Variants in CHKB observed in about 807,000 individuals in gnomAD.
CHKB encodes choline/ethanolamine kinase.
In CHKB, 45 loss-of-function variants were observed where a neutral mutation model predicts 57.3. The ratio of observed to expected loss-of-function variants is 0.79; its 90% CI spans 0.62 to 1.01. The LOEUF is 1.01. Among genes scored for constraint, CHKB ranks in the 50% least tolerant of loss-of-function variants. The probability of loss-of-function intolerance (pLI) is 0.00; values close to 1 mark genes in which losing one functional copy is unlikely to be tolerated. For missense variants in CHKB, 517 were observed against 502.8 expected (o/e 1.03, Z -0.27); for synonymous variants, 224 against 201.8 (o/e 1.11, Z -0.93).
chr22:50,581,887 G>C (rs753147853), intron 2 of CHKB, 25 bp from the exon 3 acceptor site: 5 of 1,605,786 alleles, frequency 3.1e-6, no homozygotes, highest in Non-Finnish European at 4.3e-6. Context: ...ACAGCAAAGG[G>C]GCCAAGGCAA....
In CHKB at chr22:50,581,428, G is replaced by T. The variant is rs201476966; in HGVS notation, c.573C>A (p.Thr191=). ...GGAGGCTCCTGACTCACCGCTCCAT[G>T]GTCCCAAACAGCCAGTGGGGCTCCT... is the stretch of plus-strand genomic sequence containing the variant. The part of the protein sequence containing the change: ...FTKEPHWLFG[T]MERYLKQIQD... The change falls in exon 4 of 11, where the codon ACC becomes ACA. Residue 191 remains threonine, a synonymous_variant. Transcript: ENST00000406938. 6.2e-7 allele frequency: 1 copy of T among 1,613,422 alleles called. No individual in the cohort carries two copies. Among genetic ancestry groups the T allele is most frequent in the African/African-American group, 1.3e-5 (1 of 75,050 alleles).
At position 50,582,653 on chromosome 22, in the gene CHKB, A is replaced by T; in HGVS notation, c.129T>A (p.Arg43=). Residue 43 remains arginine, a synonymous_variant, in exon 1 of 11, where the codon CGT becomes CGA. Coordinates refer to ENST00000406938, the MANE Select transcript of CHKB (RefSeq NM_005198.5). ...PKRRRASSLS[R]DAERRAYQWC... is the part of the protein sequence containing the mutation. ...ATTGGTAGGCTCGGCGCTCGGCGTCACGCGACAGCGACGAGGCGCGCCGCC... is the reference window on the plus strand; with the variant it reads ...ATTGGTAGGCTCGGCGCTCGGCGTCTCGCGACAGCGACGAGGCGCGCCGCC... 6.2e-7 allele frequency: 1 copy of T among 1,609,366 alleles called. No individual in the cohort carries two copies. Among genetic ancestry groups the T allele is most frequent in the Non-Finnish European group, 8.5e-7 (1 of 1,178,954 alleles).
intron 2 of CHKB, 168 bp downstream of exon 2, chr22:50,582,081 C>T (rs577405497): frequency 2.5e-6 from 2 of 793,912 alleles, no homozygotes; most frequent in African/African-American, 3.4e-5. Context: ...CCTCTCGCCT[C>T]AGCCTCCCAA....
Position 50,580,636 on chromosome 22 carries a change from C to T in CHKB, c.606G>A (p.Leu202=), listed in dbSNP as rs751522981. ...MERYLKQIQD[L]PPTGLPEMNL... ...TCATCTCAGGGAGGCCAGTTGGGGG[C>T]AGGTCCTGGATCTGTTTTAGGTACC... is the stretch of plus-strand genomic sequence containing the variant. The change falls in exon 5 of 11, where the codon CTG becomes CTA. Residue 202 remains leucine (L), a synonymous_variant. Coordinates refer to ENST00000406938, the MANE Select transcript of CHKB (RefSeq NM_005198.5). The T allele has an allele frequency of 6.2e-7, 1 of 1,614,086 alleles. No homozygotes were observed. The highest frequency in any genetic ancestry group is 1.1e-5 in the South Asian group (1 of 91,080).
At chr22:50,579,867 CTG>C in intron 8 of CHKB, 37 bp from the exon 9 acceptor site, 5 of 1,600,920 alleles carry the variant, frequency 3.1e-6, no homozygotes, top group African/African-American at 1.3e-5. Context: ...ATTGGGGAGA[CTG>C]TGGAGTATTT....
At position 50,580,097 on chromosome 22, in the gene CHKB, T is replaced by A. The variant is rs1272038088; in HGVS notation, c.819-15A>T. The A allele has an allele frequency of 2.5e-6, 4 of 1,613,668 alleles. No individual in the cohort carries two copies. Among genetic ancestry groups the A allele is most frequent in the Non-Finnish European group, 3.4e-6 (4 of 1,179,782 alleles). On this transcript the variant is annotated splice_polypyrimidine_tract_variant and intron_variant, in intron 7 of 10. Transcript: ENST00000406938. Reference sequence around the variant, plus strand: ...TGTCAAAGCCCCTGGGAGAATAAGGTGGACATTCAGTCCCCAAATGCCCTG... The same window carrying A: ...TGTCAAAGCCCCTGGGAGAATAAGGAGGACATTCAGTCCCCAAATGCCCTG...
At position 50,582,748 on chromosome 22, in the gene CHKB, C is replaced by T. The variant is rs533374333; in HGVS notation, c.34G>A (p.Gly12Arg). ...TTGGCCAGGCAGCCGCCAACAGCCC[C>T]GCTTCCGGCCACAGCTGTCGCCTCG... is the stretch of plus-strand genomic sequence containing the variant. The part of the protein sequence containing the change: ...AAEATAVAGS[G>R]AVGGCLAKDG... The change falls in exon 1 of 11, where the codon GGG becomes AGG. Residue 12 changes from glycine to arginine, a missense_variant. Coordinates refer to ENST00000406938, the MANE Select transcript of CHKB (RefSeq NM_005198.5). 99 of 1,593,940 alleles carry T rather than the reference C, an allele frequency of 6.2e-5. No homozygotes were observed. Among genetic ancestry groups the T allele is most frequent in the African/African-American group, 2.7e-5 (2 of 74,228 alleles).
chr22:50,581,186 C>T lies in CHKB; in HGVS notation c.581+234G>A, dbSNP rs62239538. Among the ~76,000 whole-genome samples, 5,385 of 152,280 alleles carry T rather than the reference C, an allele frequency of 0.035. 197 individuals are homozygous for T. Among genetic ancestry groups the T allele is most frequent in the South Asian group, 0.14 (657 of 4,824 alleles). On this transcript the variant is annotated intron_variant, in intron 4 of 10. Coordinates refer to ENST00000406938, the MANE Select transcript of CHKB (RefSeq NM_005198.5). The stretch of plus-strand genomic sequence containing the variant: ...CATGAGCTCAGCTCACTGCAACCTC[C>T]GCCTCCTGGGCTCAAGTGATCCTCC...
At chr22:50,580,296 C>T in intron 6 of CHKB, 25 bp from the exon 7 acceptor site, 2 of 1,613,934 alleles carry the variant, frequency 1.2e-6, no homozygotes, top group Non-Finnish European at 1.7e-6. Flanking sequence ...TGAGGTTCTG[C>T]TCACTCCAGA....
In CHKB at chr22:50,581,820, G is replaced by A. The variant is rs2070697319; in HGVS notation, c.376C>T (p.Leu126Phe). The A allele has an allele frequency of 3.1e-6, 5 of 1,613,898 alleles. No homozygotes were observed. Among genetic ancestry groups the A allele is most frequent in the African/African-American group, 1.3e-5 (1 of 75,026 alleles). The stretch of plus-strand genomic sequence containing the variant: ...TGGGGCCCCAGCGACCGCTCCGCAA[G>A]TATGGCGAACATCACGCTTTCTAGC... The part of the protein sequence containing the change: ...LVLESVMFAI[L>F]AERSLGPQLY... The change falls in exon 3 of 11, where the codon CTT (leucine) becomes TTT (phenylalanine). Residue 126 changes from leucine to phenylalanine, a missense_variant. Leu to Phe is a conservative substitution (Grantham distance 22). Transcript: ENST00000406938.
intron 1 of CHKB, 77 bp downstream of exon 1, chr22:50,582,481 T>G (rs534912766): frequency 6.7e-7 from 1 of 1,496,930 alleles, no homozygotes; most frequent in Non-Finnish European, 9.0e-7. Context: ...GGCGAAAACA[T>G]GGAGCATCCT....
chr22:50,582,386 C>G lies in CHKB; in HGVS notation c.225-29G>C, dbSNP rs1192988171. ...CAGACCCACACCAGGCGCGCTCAGC[C>G]CGCGGCCGGCCCTACCTGCCGCGGC... On this transcript the variant is annotated intron_variant, in intron 1 of 10. Coordinates refer to ENST00000406938, the MANE Select transcript of CHKB (RefSeq NM_005198.5). 6 of 1,526,894 alleles carry G rather than the reference C, an allele frequency of 3.9e-6. No individual in the cohort carries two copies. In the African/African-American group the frequency reaches 5.6e-5, roughly 14 times the overall value. 94.6% of individuals were successfully genotyped at this position (1,526,894 alleles called of 1,614,324 possible).
In CHKB at chr22:50,579,992, G is replaced by A. The variant is rs1275858641; in HGVS notation, c.909C>T (p.Tyr303=). Residue 303 remains tyrosine (Y), a synonymous_variant, in exon 8 of 11, where the codon TAC becomes TAT. Coordinates refer to ENST00000406938, the MANE Select transcript of CHKB (RefSeq NM_005198.5). ...WPFYKARPTD[Y]PTQEQQLHFI... ...CACATACCTGCTGTTCTTGAGTGGG[G>A]TAGTCTGTGGGCCTTGCTTTGTAGA... 4 of 1,614,028 alleles carry A rather than the reference G, an allele frequency of 2.5e-6. No homozygotes were observed. Among genetic ancestry groups the A allele is most frequent in the Non-Finnish European group, 3.4e-6 (4 of 1,179,966 alleles).
At chr22:50,581,227 G>A (rs954235619) in intron 4 of CHKB, among the ~76,000 whole-genome samples, 193 bp downstream of exon 4, 4 of 152,084 alleles carry the variant, frequency 2.6e-5, no homozygotes, top group Non-Finnish European at 4.4e-5. Flanking sequence ...CACCCACCTC[G>A]GCTCCCAAAG....
At position 50,581,523 on chromosome 22, in the gene CHKB, C is replaced by T. The variant is rs775420369; in HGVS notation, c.478G>A (p.Glu160Lys). The T allele has an allele frequency of 1.2e-6, 2 of 1,613,914 alleles. No homozygotes were observed. Among genetic ancestry groups the T allele is most frequent in the Non-Finnish European group, 1.7e-6 (2 of 1,180,032 alleles). The part of the protein sequence containing the change: ...SRPLKTQELR[E>K]PVLSAAIATK... ...GCAATGGCTGCTGACAACACTGGCT[C>T]TCGAAGCTCTTGAGTTTTCAATGGC... The change falls in exon 4 of 11, where the codon GAG becomes AAG. Residue 160 changes from glutamate to lysine, a missense_variant. Coordinates refer to ENST00000406938, the MANE Select transcript of CHKB (RefSeq NM_005198.5).
chr22:50,582,132 G>GT (rs1374892175), intron 2 of CHKB, 117 bp downstream of exon 2: 1 of 968,068 alleles, frequency 1.0e-6, no homozygotes, highest in African/African-American at 1.6e-5. Context: ...GTAATGAGGT[G>GT]TTACTCAGAC....
chr22:50,579,864 A>G, intron 8 of CHKB, 34 bp from the exon 9 acceptor site: 2 of 1,602,974 alleles, frequency 1.2e-6, no homozygotes, highest in Non-Finnish European at 1.7e-6. Flanking sequence ...GGAATTGGGG[A>G]GACTGTGGAG....
At chr22:50,581,719 G>T (rs1334785852) in intron 3 of CHKB, 30 bp downstream of exon 3, 1 of 1,599,446 alleles carries the variant, frequency 6.3e-7, no homozygotes, top group Non-Finnish European at 8.6e-7. Flanking sequence ...GAGGTGCCTT[G>T]GGGAGGAGAG....
At chr22:50,582,439 C>A in intron 1 of CHKB, 82 bp from the exon 2 acceptor site, 1 of 1,453,122 alleles carries the variant, frequency 6.9e-7, no homozygotes, top group Non-Finnish European at 9.2e-7. Flanking sequence ...CAGGCCGGCC[C>A]CGCCCCGCCC....
Sources: gnomAD v4.1 joint callset for allele counts (sites outside exome capture counted in the v4.1 genomes callset) on GRCh38, gnomAD v4.1.1 for gene constraint, MANE v1.5 for transcripts, NCBI Gene and HGNC (gene_info 2026-07-23, HGNC 2026-07-21) for gene names.